Variants in KHDRBS2 observed in about 807,000 individuals in gnomAD.
The protein encoded by KHDRBS2 is KH domain-containing, RNA-binding, signal transduction-associated protein 2.
A neutral mutation model predicts 44.3 loss-of-function variants in KHDRBS2; 26 were observed. That is an observed-to-expected ratio of 0.59 (90% CI 0.43 to 0.81). The LOEUF (loss-of-function observed/expected upper bound fraction) is 0.81. Among genes scored for constraint, KHDRBS2 ranks in the 40% least tolerant of loss-of-function variants. KHDRBS2 has a pLI of 0.00. For synonymous variants in KHDRBS2, 194 were observed against 151.1 expected (o/e 1.28, Z -2.08); for missense variants, 476 against 433.1 (o/e 1.10, Z -0.88).
intron 6 of KHDRBS2, among the ~76,000 whole-genome samples, chr6:61,815,896 G>A (rs1330092985): frequency 6.6e-6 from 1 of 152,050 alleles, no homozygotes; most frequent in South Asian, 2.1e-4. Context: ...AATATGTGCT[G>A]CTATAATGCA....
intron 6 of KHDRBS2, among the ~76,000 whole-genome samples, chr6:61,859,177 T>C (rs369660107): frequency 7.0e-4 from 106 of 151,988 alleles, no homozygotes; most frequent in African/African-American, 2.4e-3. Context: ...CCTCAAGAGC[T>C]TCAAATGATT....
chr6:62,076,933 C>G (rs1796457859), intron 2 of KHDRBS2, among the ~76,000 whole-genome samples: 1 of 151,864 alleles, frequency 6.6e-6, no homozygotes, highest in South Asian at 2.1e-4. Flanking sequence ...GTAGTCCTAG[C>G]TACTCAGGAG....
At chr6:61,622,653 T>G in the KHDRBS2 span, among the ~76,000 whole-genome samples, 1 of 152,132 alleles carries the variant, frequency 6.6e-6, no homozygotes, top group Non-Finnish European at 1.5e-5. Context: ...GGGAAAGTGA[T>G]GGCCCATTCT....
the KHDRBS2 span, among the ~76,000 whole-genome samples, chr6:61,636,909 G>A: frequency 0.83 from 126,185 of 152,036 alleles, 52,578 homozygotes; most frequent in Non-Finnish European, 0.87. Flanking sequence ...ATATGCATGG[G>A]CACTCAAAAA....
intron 2 of KHDRBS2, among the ~76,000 whole-genome samples, chr6:62,144,880 G>A (rs9346133): frequency 0.24 from 35,787 of 151,754 alleles, 5,148 homozygotes; most frequent in East Asian, 0.4. Flanking sequence ...AGGAAAGAAG[G>A]TCATGTAATA....
At chr6:62,081,848 G>A (rs1440251335) in intron 2 of KHDRBS2, among the ~76,000 whole-genome samples, 1 of 151,744 alleles carries the variant, frequency 6.6e-6, no homozygotes, top group Non-Finnish European at 1.5e-5. Context: ...GGAGAAAAAA[G>A]AGAAATTATA....
At chr6:62,058,689 A>G (rs1467656735) in intron 2 of KHDRBS2, among the ~76,000 whole-genome samples, 1 of 151,918 alleles carries the variant, frequency 6.6e-6, no homozygotes, top group Non-Finnish European at 1.5e-5. Context: ...AGAATAGAGT[A>G]GAACATTATT....
chr6:62,124,620 C>CACACACACACACAA (rs1554419844), intron 2 of KHDRBS2, among the ~76,000 whole-genome samples: 1 of 149,928 alleles, frequency 6.7e-6, no homozygotes. Flanking sequence ...CACACACACA[C>CACACACACACACAA]CACCTTTATC....
At chr6:61,597,212 T>C in the KHDRBS2 span, among the ~76,000 whole-genome samples, 2 of 152,210 alleles carry the variant, frequency 1.3e-5, no homozygotes, top group African/African-American at 2.4e-5. Context: ...CCATTTCAAA[T>C]AAAGATTTTC....
intron 1 of KHDRBS2, among the ~76,000 whole-genome samples, chr6:62,197,738 T>C (rs946702914): frequency 1.3e-5 from 2 of 152,142 alleles, no homozygotes; most frequent in African/African-American, 4.8e-5. Flanking sequence ...CAAGCAGACC[T>C]AATAGACATC....
chr6:62,202,949 TTTA>T (rs1242042105), intron 1 of KHDRBS2, among the ~76,000 whole-genome samples: 1 of 152,142 alleles, frequency 6.6e-6, no homozygotes. Flanking sequence ...TTGATTGTAT[TTTA>T]TTATTTCCTG....
At chr6:61,998,058 A>T (rs1777552260) in intron 3 of KHDRBS2, among the ~76,000 whole-genome samples, 1 of 152,204 alleles carries the variant, frequency 6.6e-6, no homozygotes. Flanking sequence ...TTATAGGTAT[A>T]AATTAACATT....
chr6:61,924,945 C>T (rs920929377), intron 4 of KHDRBS2, among the ~76,000 whole-genome samples: 2 of 152,058 alleles, frequency 1.3e-5, no homozygotes, highest in African/African-American at 4.8e-5. Flanking sequence ...GGTGGTCGGA[C>T]ATTCATAGGT....
At chr6:61,997,965 A>G (rs1483941963) in intron 3 of KHDRBS2, among the ~76,000 whole-genome samples, 2 of 152,202 alleles carry the variant, frequency 1.3e-5, no homozygotes, top group African/African-American at 4.8e-5. Flanking sequence ...GGAGCCTAAA[A>G]TCAACTGGAA....
At chr6:61,607,839 C>G in the KHDRBS2 span, among the ~76,000 whole-genome samples, 1 of 152,098 alleles carries the variant, frequency 6.6e-6, no homozygotes, top group African/African-American at 2.4e-5. Context: ...AGCTGTGCAC[C>G]ACCACGCCTG....
At chr6:61,826,733 C>T (rs192960030) in intron 6 of KHDRBS2, among the ~76,000 whole-genome samples, 26 of 152,268 alleles carry the variant, frequency 1.7e-4, no homozygotes, top group Admixed American at 7.9e-4. Context: ...TATTTCCTAT[C>T]TGCCCTTGAA....
At chr6:61,910,692 A>C (rs1805892474) in intron 4 of KHDRBS2, among the ~76,000 whole-genome samples, 1 of 152,194 alleles carries the variant, frequency 6.6e-6, no homozygotes, top group Non-Finnish European at 1.5e-5. Flanking sequence ...GTGAATGAGC[A>C]ACAAAAAACT....
rs577988990 is a variant in KHDRBS2, at chr6:62,158,735, G to A, written c.219+18450C>T. On this transcript the variant is annotated intron_variant, in intron 2 of 8. Transcript: ENST00000281156. The stretch of plus-strand genomic sequence containing the variant: ...AATCTTACCCTGATCTTACTTCTCT[G>A]TTCCTCTCAACACTACATTCTAAAC... 5.9e-5 allele frequency among the ~76,000 whole-genome samples: 9 copies of A among 152,132 alleles called. No homozygotes were observed. The South Asian group carries it at 1.9e-3, about 32-fold the overall frequency.
chr6:61,736,212 T>TCACACACACACACACA lies in KHDRBS2; in HGVS notation c.811-3464_811-3449dup, dbSNP rs376298733. Among the ~76,000 whole-genome samples the TCACACACACACACACA allele has an allele frequency of 1.1e-3, 155 of 135,636 alleles. 3 individuals are homozygous for TCACACACACACACACA. The highest frequency in any genetic ancestry group is 7.4e-3 in the Middle Eastern group (2 of 270). 89.0% of individuals were successfully genotyped at this position (135,636 alleles called of 152,430 possible). A position where few individuals can be genotyped will look rare whatever the true frequency, so the allele number is the denominator to read the frequency against. ...TATCTCTTATTCTTTTTACTTTACT[T>TCACACACACACACACA]CACACACACACACACACACACACAC... On this transcript the variant is annotated intron_variant, in intron 6 of 8. Transcript: ENST00000281156.
Sources: allele counts gnomAD v4.1 joint callset (sites outside exome capture counted in the v4.1 genomes callset), GRCh38; gene constraint gnomAD v4.1.1; transcripts MANE v1.5; gene names NCBI Gene and HGNC (gene_info 2026-07-23, HGNC 2026-07-21).